The following CSTF3 variants were observed in gnomAD, a reference collection of about 807,000 sequenced individuals.
The protein encoded by CSTF3 is CF-1 77 kDa subunit.
CSTF3 carries 29 observed loss-of-function variants against 105.8 expected under a neutral mutation model. The observed-to-expected ratio is 0.27, with a 90% confidence interval of 0.20 to 0.37. The LOEUF is 0.37. Among genes scored for constraint, CSTF3 ranks in the 10% least tolerant of loss-of-function variants. CSTF3 has a pLI of 1.00. For synonymous variants in CSTF3, 252 were observed against 281.9 expected, an observed-to-expected ratio of 0.89 and a Z score of 1.06; for missense variants, 357 against 879.3, an observed-to-expected ratio of 0.41 and a Z score of 7.51.
intron 15 of CSTF3, 37 bp from the exon 16 acceptor site, chr11:33,092,377 A>G (rs775074543): frequency 3.7e-6 from 5 of 1,340,588 alleles, no homozygotes. Context: ...TTTTTAATTC[A>G]CTTTTACGAT....
chr11:33,108,561 G>C, intron 3 of CSTF3, 143 bp from the exon 4 acceptor site: 1 of 544,134 alleles, frequency 1.8e-6, no homozygotes. Flanking sequence ...AATAACAGAA[G>C]TGTGAAGCAA....
At chr11:33,121,777 G>C (rs1021954428) in intron 3 of CSTF3, among the ~76,000 whole-genome samples, 8 of 152,100 alleles carry the variant, frequency 5.3e-5, no homozygotes, top group Non-Finnish European at 8.8e-5. Context: ...GCAGTGGAAG[G>C]CTCCCCAAAT....
chr11:33,132,007 T>G (rs1225547788), intron 3 of CSTF3, among the ~76,000 whole-genome samples: 2 of 152,184 alleles, frequency 1.3e-5, no homozygotes, highest in Non-Finnish European at 2.9e-5. Flanking sequence ...GCACAGGTAT[T>G]GACTATATAT....
chr11:33,087,666 A>T (rs1855119973), intron 17 of CSTF3, among the ~76,000 whole-genome samples: 1 of 152,244 alleles, frequency 6.6e-6, no homozygotes, highest in African/African-American at 2.4e-5. Context: ...TACTGAGCAG[A>T]CACTATTCAT....
rs550988267 is a variant in CSTF3, at chr11:33,137,989, T to C, written c.225+3678A>G. On this transcript the variant is annotated intron_variant, in intron 3 of 20. Transcript: ENST00000323959. Reference sequence around the variant, plus strand: ...TGTTGCATCCTGAGTTCACTTCCATTTTCCAAGAAGAAAGGTCATTTTGAA... The same window carrying C: ...TGTTGCATCCTGAGTTCACTTCCATCTTCCAAGAAGAAAGGTCATTTTGAA... Among the ~76,000 whole-genome samples, 9 of 151,892 alleles carry C rather than the reference T, an allele frequency of 5.9e-5. No homozygotes were observed. In the East Asian group the frequency reaches 1.7e-3, roughly 29 times the overall value.
intron 14 of CSTF3, 78 bp from the exon 15 acceptor site, chr11:33,096,486 C>A: frequency 2.3e-6 from 2 of 871,072 alleles, no homozygotes; most frequent in Admixed American, 5.2e-5. Flanking sequence ...TAAAATTATA[C>A]CTACATATGA....
intron 14 of CSTF3, among the ~76,000 whole-genome samples, 165 bp from the exon 15 acceptor site, chr11:33,096,573 TTAGTGATTAGAAATCACGAAA>T (rs917795948): frequency 1.6e-4 from 25 of 152,274 alleles, no homozygotes; most frequent in African/African-American, 4.1e-4. Flanking sequence ...TCAAAGGAGT[TTAGTGATTAGAAATCACGAAA>T]TAGTGATTAA....
At chr11:33,142,801 C>T (rs1855730184) in intron 1 of CSTF3, among the ~76,000 whole-genome samples, 1 of 151,870 alleles carries the variant, frequency 6.6e-6, no homozygotes, top group Non-Finnish European at 1.5e-5. Flanking sequence ...TTTATAAATC[C>T]ATTCAATGTT....
intron 3 of CSTF3, among the ~76,000 whole-genome samples, chr11:33,122,698 T>C (rs1340557134): frequency 2.0e-5 from 3 of 151,920 alleles, no homozygotes; most frequent in Non-Finnish European, 4.4e-5. Context: ...GTGGTTAGAC[T>C]GAGTCCTGGA....
At chr11:33,121,238 C>T (rs565033502) in intron 3 of CSTF3, among the ~76,000 whole-genome samples, 24 of 152,048 alleles carry the variant, frequency 1.6e-4, no homozygotes, top group Non-Finnish European at 2.8e-4. Flanking sequence ...CCAGGAGAAT[C>T]AAGAAGATTT....
intron 3 of CSTF3, among the ~76,000 whole-genome samples, chr11:33,123,732 A>C (rs1855515977): frequency 6.6e-6 from 1 of 152,154 alleles, no homozygotes; most frequent in Non-Finnish European, 1.5e-5. Context: ...GATATTTATT[A>C]ATGTAAAGGA....
chr11:33,158,376 G>A (rs1422945551), intron 1 of CSTF3, among the ~76,000 whole-genome samples: 1 of 152,046 alleles, frequency 6.6e-6, no homozygotes, highest in African/African-American at 2.4e-5. Flanking sequence ...AATCCATAGC[G>A]ATACTTAATC....
intron 3 of CSTF3, among the ~76,000 whole-genome samples, chr11:33,109,308 T>C (rs993070861): frequency 4.6e-5 from 7 of 152,222 alleles, no homozygotes; most frequent in Admixed American, 3.3e-4. Context: ...TAGAGAAGTT[T>C]TGGTCCTTTT....
At chr11:33,134,775 G>GA (rs781277987) in intron 3 of CSTF3, among the ~76,000 whole-genome samples, 10 of 152,104 alleles carry the variant, frequency 6.6e-5, no homozygotes, top group Non-Finnish European at 1.2e-4. Context: ...AAATGGTTGA[G>GA]AAACACTACA....
chr11:33,150,076 G>A (rs754472447), intron 1 of CSTF3, among the ~76,000 whole-genome samples: 15 of 150,832 alleles, frequency 9.9e-5, no homozygotes, highest in African/African-American at 2.7e-4. Flanking sequence ...TTAGCGGGGC[G>A]TGGTGGCAGG....
Position 33,141,397 on chromosome 11 carries a change from CAT to C in CSTF3, c.225+268_225+269del, listed in dbSNP as rs1043122769. The stretch of plus-strand genomic sequence containing the variant: ...TGACACAGGAGGCAATAAATTGACA[CAT>C]GACAAGTAAATAAAAGGCTAAAGCA... On this transcript the variant is annotated intron_variant, in intron 3 of 20. Transcript: ENST00000323959. The C allele has an allele frequency of 4.1e-5, 48 of 1,184,278 alleles. 1 individual carries two copies. Among genetic ancestry groups the C allele is most frequent in the South Asian group, 3.8e-4 (9 of 23,756 alleles). 73.4% of individuals were successfully genotyped at this position (1,184,278 alleles called of 1,614,324 possible).
At chr11:33,092,406 G>A in intron 15 of CSTF3, 66 bp from the exon 16 acceptor site, 2 of 1,015,452 alleles carry the variant, frequency 2.0e-6, no homozygotes, top group Non-Finnish European at 2.9e-6. Flanking sequence ...ATTTTCATAT[G>A]CATTATCTCA....
chr11:33,136,905 C>T (rs1007256092), intron 3 of CSTF3, among the ~76,000 whole-genome samples: 4 of 151,732 alleles, frequency 2.6e-5, no homozygotes, highest in African/African-American at 9.7e-5. Context: ...TTATGTTATT[C>T]CATGAATGTC....
chr11:33,133,747 T>C (rs908662133), intron 3 of CSTF3, among the ~76,000 whole-genome samples: 4 of 151,980 alleles, frequency 2.6e-5, no homozygotes, highest in Non-Finnish European at 5.9e-5. Flanking sequence ...GAGGCTGAGG[T>C]TGTAGTGAGC....
Sources: allele counts gnomAD v4.1 joint callset (sites outside exome capture counted in the v4.1 genomes callset), GRCh38; gene constraint gnomAD v4.1.1; transcripts MANE v1.5; gene names NCBI Gene and HGNC (gene_info 2026-07-23, HGNC 2026-07-21).